ADGRL2: variants seen among roughly 807,000 people sequenced by gnomAD.
ADGRL2 encodes the protein calcium-independent alpha-latrotoxin receptor 2.
ADGRL2 carries 44 observed loss-of-function variants against 157.4 expected under a neutral mutation model. The ratio of observed to expected loss-of-function variants is 0.28; its 90% confidence interval spans 0.22 to 0.36. ADGRL2 has a LOEUF of 0.36. Among genes scored for constraint, ADGRL2 ranks in the 10% least tolerant of loss-of-function variants. The probability of loss-of-function intolerance (pLI) is 1.00; values close to 1 mark genes in which losing one functional copy is unlikely to be tolerated. For synonymous variants in ADGRL2, 585 were observed against 624.7 expected, an observed-to-expected ratio of 0.94 and a Z score of 0.95; for missense variants, 1,510 against 1,768.9, an observed-to-expected ratio of 0.85 and a Z score of 2.63.
At chr1:81,481,198 C>A (rs989984560) in intron 2 of ADGRL2, among the ~76,000 whole-genome samples, 3 of 152,070 alleles carry the variant, frequency 2.0e-5, no homozygotes, top group Admixed American at 2.0e-4. Context: ...AATGGAGGAG[C>A]TAATTGAGAT....
At chr1:81,927,361 A>G (rs1277211781) in intron 3 of ADGRL2, among the ~76,000 whole-genome samples, 1 of 152,044 alleles carries the variant, frequency 6.6e-6, no homozygotes, top group Non-Finnish European at 1.5e-5. Flanking sequence ...GCTTATGATT[A>G]TCATTTTAAT....
intron 3 of ADGRL2, among the ~76,000 whole-genome samples, chr1:81,916,635 T>C (rs2094861746): frequency 6.6e-6 from 1 of 152,138 alleles, no homozygotes; most frequent in Non-Finnish European, 1.5e-5. Context: ...TAAAATTTCC[T>C]ATGGCATTTT....
At chr1:81,481,175 T>C (rs754024053) in intron 2 of ADGRL2, among the ~76,000 whole-genome samples, 1 of 152,176 alleles carries the variant, frequency 6.6e-6, no homozygotes, top group Non-Finnish European at 1.5e-5. Context: ...TACTAGAAAT[T>C]GTTTGTGAAA....
At chr1:81,654,408 C>A (rs2148853636) in intron 3 of ADGRL2, among the ~76,000 whole-genome samples, 1 of 152,276 alleles carries the variant, frequency 6.6e-6, no homozygotes, top group African/African-American at 2.4e-5. Flanking sequence ...TTACCACCTC[C>A]CTTATTCAAG....
At chr1:81,562,814 A>G (rs1389251946) in intron 2 of ADGRL2, among the ~76,000 whole-genome samples, 1 of 152,112 alleles carries the variant, frequency 6.6e-6, no homozygotes, top group Non-Finnish European at 1.5e-5. Context: ...TAATTTCTAA[A>G]TCCAAGGGAT....
At chr1:81,630,390 C>T (rs17106847) in intron 3 of ADGRL2, among the ~76,000 whole-genome samples, 30,691 of 151,974 alleles carry the variant, frequency 0.2, 3,375 homozygotes, top group East Asian at 0.35. Context: ...ACTTTTTGAG[C>T]GCCTACTCCA....
intron 3 of ADGRL2, among the ~76,000 whole-genome samples, chr1:81,916,899 C>T (rs2094868360): frequency 6.6e-6 from 1 of 151,528 alleles, no homozygotes; most frequent in African/African-American, 2.4e-5. Flanking sequence ...TGTTTTTGTA[C>T]TAGGTTAGGA....
chr1:81,638,158 A>C (rs2082149703), intron 3 of ADGRL2, among the ~76,000 whole-genome samples: 1 of 152,030 alleles, frequency 6.6e-6, no homozygotes, highest in African/African-American at 2.4e-5. Flanking sequence ...GAAAAAAAAA[A>C]CTCACCAACT....
chr1:81,592,115 A>G (rs1018029830), intron 3 of ADGRL2, among the ~76,000 whole-genome samples: 1 of 152,170 alleles, frequency 6.6e-6, no homozygotes, highest in Non-Finnish European at 1.5e-5. Flanking sequence ...ACAATTAGCC[A>G]TATCTTTAGA....
intron 2 of ADGRL2, among the ~76,000 whole-genome samples, chr1:81,902,347 C>T (rs1025913551): frequency 2.6e-5 from 4 of 152,122 alleles, no homozygotes; most frequent in Admixed American, 1.3e-4. Context: ...CCTGTAATCC[C>T]AGCATTTTAG....
At chr1:81,709,578 A>T (rs2083856032) in intron 1 of ADGRL2, among the ~76,000 whole-genome samples, 2 of 149,926 alleles carry the variant, frequency 1.3e-5, no homozygotes, top group South Asian at 2.1e-4. Flanking sequence ...TTTGGAGTTT[A>T]TTTTTTTTTT....
rs2080248753 is a variant in ADGRL2 at position 81,555,323 on chromosome 1, A to C, written c.-247-25553A>C. Among the ~76,000 whole-genome samples, 6 of 147,438 alleles carry C rather than the reference A, an allele frequency of 4.1e-5. No homozygotes were observed. The Admixed American group carries it at 4.1e-4, about 10-fold the overall frequency. On this transcript the variant is annotated intron_variant, in intron 2 of 24. Transcript: ENST00000370721. ...ATTCTTATTGCCCAGGCTGGAGTACAAATGGCATGATCCTGGCTCACTGCA... is the reference window on the plus strand; with the variant it reads ...ATTCTTATTGCCCAGGCTGGAGTACCAATGGCATGATCCTGGCTCACTGCA...
chr1:81,472,767 GA>G (rs2078198389), intron 2 of ADGRL2, among the ~76,000 whole-genome samples: 3 of 152,176 alleles, frequency 2.0e-5, no homozygotes, highest in Admixed American at 6.5e-5. Context: ...GCACCATAAT[GA>G]AATTTTAGGA....
At chr1:81,439,728 G>A (rs1454846571) in intron 1 of ADGRL2, among the ~76,000 whole-genome samples, 4 of 152,230 alleles carry the variant, frequency 2.6e-5, no homozygotes, top group Non-Finnish European at 5.9e-5. Flanking sequence ...ATTCACAGAC[G>A]GTGGTGTGTT....
At chr1:81,537,424 C>G (rs145304382) in intron 2 of ADGRL2, among the ~76,000 whole-genome samples, 3,690 of 152,004 alleles carry the variant, frequency 0.024, 77 homozygotes, top group Non-Finnish European at 0.035. Context: ...GCTGGGATTA[C>G]AGGCATGCAC....
At chr1:81,685,900 T>A (rs1053767763) in intron 3 of ADGRL2, among the ~76,000 whole-genome samples, 4 of 149,992 alleles carry the variant, frequency 2.7e-5, no homozygotes, top group African/African-American at 1.0e-4. Context: ...GATCATGTGA[T>A]TTTTTGTTTT....
chr1:81,694,649 C>T (rs909551874), intron 3 of ADGRL2, among the ~76,000 whole-genome samples: 3 of 152,056 alleles, frequency 2.0e-5, no homozygotes, highest in African/African-American at 4.8e-5. Flanking sequence ...TTTATTCTCA[C>T]TCATCTTAGA....
intron 1 of ADGRL2, chr1:81,721,800 C>G (rs1167680191): frequency 1.6e-6 from 2 of 1,256,964 alleles, no homozygotes; most frequent in Non-Finnish European, 1.1e-6. Context: ...TGGGTGGGAG[C>G]AGGCGGTAAA....
intron 3 of ADGRL2, among the ~76,000 whole-genome samples, chr1:81,654,316 A>G (rs76720707): frequency 0.01 from 1,535 of 152,238 alleles, 7 homozygotes; most frequent in Non-Finnish European, 0.015. Flanking sequence ...CCCAGCCTCG[A>G]AACCTTGAGT....
Sources: allele counts gnomAD v4.1 joint callset (sites outside exome capture counted in the v4.1 genomes callset), GRCh38; gene constraint gnomAD v4.1.1; transcripts MANE v1.5; gene names NCBI Gene and HGNC (gene_info 2026-07-23, HGNC 2026-07-21).